Variants in CEP104 observed in about 807,000 individuals in gnomAD.
CEP104 encodes the protein centrosomal protein of 104 kDa.
A neutral mutation model predicts 113.3 loss-of-function variants in CEP104; 84 were observed. The ratio of observed to expected loss-of-function variants is 0.74; its 90% CI spans 0.62 to 0.89. The LOEUF is 0.89. CEP104 is among the 40% of genes least tolerant of loss of function. CEP104 has a pLI of 0.00. For synonymous variants in CEP104, 378 were observed against 421.7 expected, an observed-to-expected ratio of 0.90 and a Z score of 1.27; for missense variants, 1,053 against 1,156.6, an observed-to-expected ratio of 0.91 and a Z score of 1.30.
chr1:3,844,879 G>T, intron 6 of CEP104, 28 bp downstream of exon 6: 1 of 1,580,908 alleles, frequency 6.3e-7, no homozygotes, highest in Non-Finnish European at 8.7e-7. Flanking sequence ...AGTAAAAGAA[G>T]TTCATTGATG....
At position 3,829,271 on chromosome 1, in the gene CEP104, C is replaced by T. The variant is rs965568323; in HGVS notation, c.2146G>A (p.Val716Ile). ...LAALKEIQAE[V>I]QEKESDAVKP... ...AAGACGTGTTAACTTCCAACCTGAACTTCAGCCTGAATTTCTTTCAGTGCT... is the reference window on the plus strand; with the variant it reads ...AAGACGTGTTAACTTCCAACCTGAATTTCAGCCTGAATTTCTTTCAGTGCT... The change falls in exon 15 of 22, where the codon GTT becomes ATT. Residue 716 changes from valine (V) to isoleucine (I), a missense_variant. Coordinates refer to ENST00000378230, the MANE Select transcript of CEP104 (RefSeq NM_014704.4). 2.5e-6 allele frequency: 4 copies of T among 1,582,098 alleles called. No individual in the cohort carries two copies. The African/African-American group carries it at 5.5e-5, about 22-fold the overall frequency.
Position 3,812,605 on chromosome 1 carries a change from C to T in CEP104, c.*2797G>A, listed in dbSNP as rs7528951. The T allele has an allele frequency of 4.6e-5, 7 of 151,940 alleles. 1 individual carries two copies. Among genetic ancestry groups the T allele is most frequent in the South Asian group, 2.1e-4 (1 of 4,820 alleles). The allele number at this position is 151,940 out of a possible 1,614,324, so 9.4% of individuals were successfully genotyped here. A position where few individuals can be genotyped will look rare whatever the true frequency, so the allele number is the denominator to read the frequency against. On this transcript the variant is annotated 3_prime_UTR_variant, in exon 22 of 22. Transcript: ENST00000378230. ...CTGTAATTCCAGCACTTTGGGAGGCCGAGGTGGGTGGATCACAAGGTCAGG... is the reference window on the plus strand; with the variant it reads ...CTGTAATTCCAGCACTTTGGGAGGCTGAGGTGGGTGGATCACAAGGTCAGG...
Position 3,845,499 on chromosome 1 carries a change from C to G in CEP104, c.427-148G>C, listed in dbSNP as rs111581286. ...ATGGCTCACTGCAGCCTTGACCTCC[C>G]GGGCTCAAGGGATCCTTCACCTTAG... On this transcript the variant is annotated intron_variant, in intron 4 of 21. Transcript: ENST00000378230. 0.01 allele frequency: 6,025 copies of G among 583,892 alleles called. 315 individuals carry two copies. In the African/African-American group the frequency reaches 0.1, roughly 10 times the overall value. 36.2% of individuals were successfully genotyped at this position (583,892 alleles called of 1,614,324 possible).
At chr1:3,832,506 T>C (rs74653323) in intron 12 of CEP104, among the ~76,000 whole-genome samples, 5,181 of 73,412 alleles carry the variant, frequency 0.071, 912 homozygotes, top group East Asian at 0.17. Flanking sequence ...AGGAGTGTAG[T>C]GTAGGTCGTG....
rs570306674 is a variant in CEP104 at position 3,856,902 on chromosome 1, A to G, written c.-28T>C. On this transcript the variant is annotated 5_prime_UTR_variant, in exon 1 of 22. Coordinates refer to ENST00000378230, the MANE Select transcript of CEP104 (RefSeq NM_014704.4). ...CCCGGAAGGTACCTGCTTAGAGGGA[A>G]GGGCCCCGACTGGCGCTGCCGCGGC... 1.9e-3 allele frequency: 283 copies of G among 151,682 alleles called. 1 individual carries two copies. The highest frequency in any genetic ancestry group is 6.6e-3 in the African/African-American group (273 of 41,446). The allele number at this position is 151,682 out of a possible 1,614,324, so 9.4% of individuals were successfully genotyped here.
intron 12 of CEP104, among the ~76,000 whole-genome samples, chr1:3,832,085 C>T (rs1644218782): frequency 6.6e-6 from 1 of 152,246 alleles, no homozygotes; most frequent in Non-Finnish European, 1.5e-5. Context: ...AACATTTGAG[C>T]ACCACCAAAC....
chr1:3,826,660 G>A (rs757093523), intron 16 of CEP104, 48 bp downstream of exon 16: 158 of 1,603,386 alleles, frequency 9.9e-5, no homozygotes, highest in African/African-American at 1.9e-4. Flanking sequence ...TACACACCCC[G>A]ATTCTTTACA....
intron 15 of CEP104, among the ~76,000 whole-genome samples, chr1:3,828,451 T>G (rs34839626): frequency 0.13 from 19,891 of 152,200 alleles, 1,692 homozygotes; most frequent in African/African-American, 0.24. Flanking sequence ...CCATAGGAAG[T>G]TCAGCCTATA....
intron 10 of CEP104, among the ~76,000 whole-genome samples, chr1:3,835,727 C>T (rs977694166): frequency 6.6e-6 from 1 of 152,164 alleles, no homozygotes; most frequent in Non-Finnish European, 1.5e-5. Flanking sequence ...CATCCTTTTG[C>T]GCTGGAATTA....
chr1:3,826,859 T>A (rs1644101911), intron 15 of CEP104, 115 bp from the exon 16 acceptor site: 1 of 1,064,026 alleles, frequency 9.4e-7, no homozygotes, highest in Non-Finnish European at 1.3e-6. Context: ...GTTTTAGAAT[T>A]TCTACTGGCT....
At chr1:3,816,787 G>T (rs1643887529) in intron 20 of CEP104, among the ~76,000 whole-genome samples, 1 of 152,254 alleles carries the variant, frequency 6.6e-6, no homozygotes, top group Admixed American at 6.5e-5. Flanking sequence ...GGTTCCTCGT[G>T]GGGTTCCCAC....
chr1:3,828,929 T>C (rs1156766664), intron 15 of CEP104, among the ~76,000 whole-genome samples: 1 of 152,190 alleles, frequency 6.6e-6, no homozygotes, highest in Non-Finnish European at 1.5e-5. Context: ...ACCTTTATAG[T>C]CAAGCTGATT....
In CEP104 at chr1:3,852,382, A is replaced by T; in HGVS notation, c.26T>A (p.Val9Asp). The T allele has an allele frequency of 2.5e-6, 4 of 1,614,098 alleles. No homozygotes were observed. Among genetic ancestry groups the T allele is most frequent in the Non-Finnish European group, 3.4e-6 (4 of 1,179,992 alleles). Residue 9 changes from valine (V) to aspartate (D), a missense_variant, in exon 2 of 22, where the codon GTC becomes GAC. Physicochemically the swap from Val to Asp is radical, Grantham distance 152 (BLOSUM62 -3). Transcript: ENST00000378230. ...GTCTTCGTGTCCAGATGAGCTGACG[A>T]CTACAAATCCAATCTTGTGGGGCAT... Reference protein sequence around the residue: MPHKIGFVVVSSSGHEDGF... With the variant: MPHKIGFVDVSSSGHEDGF...
At position 3,825,991 on chromosome 1, in the gene CEP104, A is replaced by C. The variant is rs1270836992; in HGVS notation, c.2256-125T>G. 1.5e-5 allele frequency: 11 copies of C among 721,854 alleles called. No individual in the cohort carries two copies. In the East Asian group the frequency reaches 2.9e-4, roughly 19 times the overall value. The allele number at this position is 721,854 out of a possible 1,614,324, so 44.7% of individuals were successfully genotyped here. On this transcript the variant is annotated intron_variant, in intron 17 of 21. Transcript: ENST00000378230. ...CTGTGATGTGTGCACTTTCCCTCTCATCTGGAACTGCCTCAGTTTGCTCTG... is the reference window on the plus strand; with the variant it reads ...CTGTGATGTGTGCACTTTCCCTCTCCTCTGGAACTGCCTCAGTTTGCTCTG...
chr1:3,823,483 C>T lies in CEP104; in HGVS notation c.2444G>A (p.Cys815Tyr). ...CTCTTCCTTGAAAACAGCCTCACTG[C>T]AACGGTAACACTTTCCAAACCCGTC... ...KKDGFGKCYR[C>Y]SEAVFKEELP... is the part of the protein sequence containing the mutation. Residue 815 changes from cysteine to tyrosine, a missense_variant, in exon 19 of 22, where the codon TGC becomes TAC. By Grantham distance (194) the Cys-to-Tyr change is radical (BLOSUM62 -2). Coordinates refer to ENST00000378230, the MANE Select transcript of CEP104 (RefSeq NM_014704.4). This position sits in a 1 kb window ranked among gnomAD's most constrained non-coding sequence, Gnocchi z 4.1. 1 of 1,614,240 alleles carries T rather than the reference C, an allele frequency of 6.2e-7. No individual in the cohort carries two copies. The highest frequency in any genetic ancestry group is 1.7e-5 in the Admixed American group (1 of 60,016).
intron 3 of CEP104, among the ~76,000 whole-genome samples, chr1:3,848,282 C>T (rs1644545057): frequency 6.6e-6 from 1 of 152,002 alleles, no homozygotes; most frequent in Non-Finnish European, 1.5e-5. Context: ...CCTGTAATCC[C>T]AGCACTTTGG....
Position 3,845,289 on chromosome 1 carries a change from A to G in CEP104, c.489T>C (p.Thr163=). The change falls in exon 5 of 22, where the codon ACT becomes ACC. Residue 163 remains threonine, a splice_region_variant and synonymous_variant. Coordinates refer to ENST00000378230, the MANE Select transcript of CEP104 (RefSeq NM_014704.4). ...DPADFSDESN[T]ASREKLIDHY... ...AGGAATTAAAACTTTCCAAACTTAC[A>G]GTATTGCTTTCATCACTGAAATCTG... is the stretch of plus-strand genomic sequence containing the variant. 1 of 1,593,408 alleles carries G rather than the reference A, an allele frequency of 6.3e-7. No homozygotes were observed. The highest frequency in any genetic ancestry group is 8.6e-7 in the Non-Finnish European group (1 of 1,165,378).
intron 9 of CEP104, 47 bp downstream of exon 9, chr1:3,837,245 C>A (rs1353403763): frequency 6.7e-7 from 1 of 1,496,972 alleles, no homozygotes; most frequent in African/African-American, 1.4e-5. Flanking sequence ...ATGTCCTTTA[C>A]AAATACCCAA....
At position 3,829,298 on chromosome 1, in the gene CEP104, C is replaced by T; in HGVS notation, c.2119G>A (p.Ala707Thr). Residue 707 changes from alanine (A) to threonine (T), a missense_variant, in exon 15 of 22, where the codon GCA (alanine) becomes ACA (threonine). Transcript: ENST00000378230. ...TCAGCCTGAATTTCTTTCAGTGCTG[C>T]CAGCTGCCCTTGTAAAGCTTTTATT... ...EEIKALQGQL[A>T]ALKEIQAEVQ... 7 of 1,593,400 alleles carry T rather than the reference C, an allele frequency of 4.4e-6. No individual in the cohort carries two copies. The highest frequency in any genetic ancestry group is 6.0e-6 in the Non-Finnish European group (7 of 1,175,452).
Sources: allele counts gnomAD v4.1 joint callset (sites outside exome capture counted in the v4.1 genomes callset), GRCh38; gene constraint gnomAD v4.1.1; non-coding constraint Gnocchi (gnomAD v3.1); transcripts MANE v1.5; gene names NCBI Gene and HGNC (gene_info 2026-07-23, HGNC 2026-07-21).